Variants in CLPB observed in about 807,000 individuals in gnomAD.
The protein encoded by CLPB is mitochondrial disaggregase.
CLPB carries 40 observed loss-of-function variants against 78.4 expected under a neutral mutation model. The observed-to-expected ratio is 0.51, with a 90% CI of 0.40 to 0.66. CLPB has a LOEUF of 0.66. Ranked by LOEUF, CLPB falls within the 30% of genes least tolerant of loss-of-function variation. The probability of loss-of-function intolerance (pLI) is 0.00; values close to 1 mark genes in which losing one functional copy is unlikely to be tolerated. For missense variants in CLPB, 780 were observed against 886.9 expected, an observed-to-expected ratio of 0.88 and a Z score of 1.53; for synonymous variants, 333 against 348.0, an observed-to-expected ratio of 0.96 and a Z score of 0.48.
At chr11:72,330,378 T>G (rs1330753028) in intron 5 of CLPB, among the ~76,000 whole-genome samples, 2 of 152,150 alleles carry the variant, frequency 1.3e-5, no homozygotes, top group African/African-American at 4.8e-5. Flanking sequence ...GGTGGGTGAG[T>G]GCATGTGGCT....
chr11:72,345,367 G>A (rs558671563), intron 5 of CLPB, among the ~76,000 whole-genome samples: 33 of 152,310 alleles, frequency 2.2e-4, no homozygotes, highest in African/African-American at 6.3e-4. Context: ...GAATTTACAT[G>A]AAGTGATTTT....
intron 4 of CLPB, among the ~76,000 whole-genome samples, chr11:72,368,330 T>A (rs975923239): frequency 6.6e-6 from 1 of 152,194 alleles, no homozygotes; most frequent in African/African-American, 2.4e-5. Flanking sequence ...ACTATTCTCA[T>A]GAGAATCCTA....
At chr11:72,371,862 T>C (rs1057503976) in intron 4 of CLPB, among the ~76,000 whole-genome samples, 1 of 152,228 alleles carries the variant, frequency 6.6e-6, no homozygotes, top group African/African-American at 2.4e-5. Flanking sequence ...CAGCCACAGA[T>C]TCTCTTCTCT....
At position 72,290,170 on chromosome 11, in the gene CLPB, G is replaced by A. The variant is rs557726723; in HGVS notation, c.*3197C>T. ...GCTGAGATAGGGAAAATGTGAGGAAGCCTGAAACATCTTGTGGTGCCAGAA... is the reference window on the plus strand; with the variant it reads ...GCTGAGATAGGGAAAATGTGAGGAAACCTGAAACATCTTGTGGTGCCAGAA... On this transcript the variant is annotated 3_prime_UTR_variant, in exon 16 of 16. Coordinates refer to ENST00000538039, the MANE Select transcript of CLPB (RefSeq NM_001258392.3). The A allele has an allele frequency of 6.6e-6, 1 of 152,300 alleles. No individual in the cohort carries two copies. Among genetic ancestry groups the A allele is most frequent in the East Asian group, 1.9e-4 (1 of 5,194 alleles). 9.4% of individuals were successfully genotyped at this position (152,300 alleles called of 1,614,324 possible).
chr11:72,314,882 C>T (rs2135523727), intron 7 of CLPB, among the ~76,000 whole-genome samples: 1 of 152,182 alleles, frequency 6.6e-6, no homozygotes, highest in East Asian at 1.9e-4. Flanking sequence ...CAGGGAGCAG[C>T]AGGAGCAGGC....
intron 6 of CLPB, among the ~76,000 whole-genome samples, chr11:72,325,001 GAT>G (rs1950106805): frequency 6.6e-6 from 1 of 152,068 alleles, no homozygotes; most frequent in Non-Finnish European, 1.5e-5. Flanking sequence ...TATTCCTGCC[GAT>G]GCATTCTTTG....
In CLPB at chr11:72,434,437, G is replaced by A. The variant is rs750927442; in HGVS notation, c.38C>T (p.Ala13Val). Residue 13 changes from alanine (A) to valine (V), a missense_variant, in exon 1 of 16, where the codon GCG (alanine) becomes GTG (valine). This residue lies in a region of CLPB where 417 missense variants were observed against 414.7 expected (regional missense o/e 1.01). Coordinates refer to ENST00000538039, the MANE Select transcript of CLPB (RefSeq NM_001258392.3). The stretch of plus-strand genomic sequence containing the variant: ...GAGCAGCCGGAGGAGTAGCCGTGGC[G>A]CCAGTGCTTTTCTCCTCAACACCAG... ...GSLVLRRKAL[A>V]PRLLLRLLRS... is the part of the protein sequence containing the mutation. 4.4e-6 allele frequency: 7 copies of A among 1,577,870 alleles called. No homozygotes were observed. In the Admixed American group the frequency reaches 1.1e-4, roughly 24 times the overall value.
chr11:72,395,336 G>A (rs996511890), intron 3 of CLPB, among the ~76,000 whole-genome samples: 3 of 151,950 alleles, frequency 2.0e-5, no homozygotes, highest in Non-Finnish European at 4.4e-5. Context: ...AGCATCCTTC[G>A]GTCCATCCCA....
intron 4 of CLPB, among the ~76,000 whole-genome samples, chr11:72,375,078 T>C (rs1429557438): frequency 6.6e-6 from 1 of 152,226 alleles, no homozygotes; most frequent in African/African-American, 2.4e-5. Context: ...TCTGCTAATA[T>C]CTATTTACTC....
At chr11:72,409,069 G>T (rs147955210) in intron 2 of CLPB, among the ~76,000 whole-genome samples, 1 of 152,234 alleles carries the variant, frequency 6.6e-6, no homozygotes, top group East Asian at 1.9e-4. Context: ...TCCCTGAGAT[G>T]ATGAGTAGAA....
chr11:72,424,969 G>A (rs993313380), intron 2 of CLPB, among the ~76,000 whole-genome samples: 5 of 151,998 alleles, frequency 3.3e-5, no homozygotes, highest in Admixed American at 1.3e-4. Flanking sequence ...CCAGCTACTC[G>A]GGAAGCTGAC....
chr11:72,408,787 T>G (rs1279674569), intron 2 of CLPB, among the ~76,000 whole-genome samples: 1 of 151,662 alleles, frequency 6.6e-6, no homozygotes, highest in African/African-American at 2.4e-5. Flanking sequence ...GCCCAGAAAG[T>G]TGGAATTTTA....
chr11:72,350,642 T>A lies in CLPB; in HGVS notation c.775+8238A>T, dbSNP rs185443809. ...GGAAGAGAGAGGTTTACAAATTTTT[T>A]AATGATATTCTTTAAAAGGAAACTG... On this transcript the variant is annotated intron_variant, in intron 5 of 15. Transcript: ENST00000538039. Among the ~76,000 whole-genome samples, 171 of 152,316 alleles carry A rather than the reference T, an allele frequency of 1.1e-3. 1 individual carries two copies. The highest frequency in any genetic ancestry group is 1.4e-3 in the Non-Finnish European group (98 of 68,020).
chr11:72,377,126 G>A (rs1310638629), intron 4 of CLPB, among the ~76,000 whole-genome samples: 3 of 152,148 alleles, frequency 2.0e-5, no homozygotes, highest in African/African-American at 7.2e-5. Flanking sequence ...TTTAATTTTA[G>A]CAAGAAATAT....
intron 2 of CLPB, among the ~76,000 whole-genome samples, chr11:72,410,368 T>C (rs547422005): frequency 6.6e-6 from 1 of 152,280 alleles, no homozygotes; most frequent in South Asian, 2.1e-4. Context: ...AGCCTGTTTC[T>C]GCATCTGTTA....
intron 5 of CLPB, chr11:72,355,140 C>A (rs955488456): frequency 6.6e-6 from 1 of 152,218 alleles, no homozygotes; most frequent in Non-Finnish European, 1.5e-5. Context: ...TTCTTTTTCA[C>A]TATGCTACAG....
chr11:72,301,156 A>G (rs535337090), intron 11 of CLPB, among the ~76,000 whole-genome samples: 6 of 152,328 alleles, frequency 3.9e-5, no homozygotes, highest in African/African-American at 1.4e-4. Flanking sequence ...TCTTTAGTAC[A>G]GGTCTAGTAC....
At chr11:72,344,806 C>T (rs1950482253) in intron 5 of CLPB, among the ~76,000 whole-genome samples, 1 of 152,018 alleles carries the variant, frequency 6.6e-6, no homozygotes, top group Non-Finnish European at 1.5e-5. Context: ...ATATTCTTAA[C>T]ATAAACAGAA....
At chr11:72,307,337 A>G in intron 8 of CLPB, 83 bp from the exon 9 acceptor site, 1 of 1,128,834 alleles carries the variant, frequency 8.9e-7, no homozygotes, top group Non-Finnish European at 1.3e-6. Flanking sequence ...ATGCACGGAC[A>G]CTAGAAAGAA....
Sources: allele counts gnomAD v4.1 joint callset (sites outside exome capture counted in the v4.1 genomes callset), GRCh38; gene constraint gnomAD v4.1.1; regional missense constraint gnomAD v4.1.1; transcripts MANE v1.5; gene names NCBI Gene and HGNC (gene_info 2026-07-23, HGNC 2026-07-21).